Variants in ZNF142 observed in about 807,000 individuals in gnomAD.
ZNF142 encodes zinc finger protein 142, also known as zinc finger protein 142 (clone pHZ-49).
A neutral mutation model predicts 132.1 loss-of-function variants in ZNF142; 96 were observed. That is an observed-to-expected ratio of 0.73 (90% CI 0.62 to 0.86). ZNF142 has a LOEUF of 0.86. Among genes scored for constraint, ZNF142 ranks in the 40% least tolerant of loss-of-function variants. ZNF142 has a pLI of 0.00. For missense variants in ZNF142, 2,163 were observed against 2,336.2 expected, an observed-to-expected ratio of 0.93 and a Z score of 1.53; for synonymous variants, 842 against 890.1, an observed-to-expected ratio of 0.95 and a Z score of 0.96.
At chr2:218,657,694 T>C (rs1938641390) in intron 3 of ZNF142, among the ~76,000 whole-genome samples, 1 of 152,092 alleles carries the variant, frequency 6.6e-6, no homozygotes, top group South Asian at 2.1e-4. Context: ...CCTCCCAAAG[T>C]GCTGGGATTA....
chr2:218,635,851 T>C lies in ZNF142; in HGVS notation c.*2488A>G. On this transcript the variant is annotated 3_prime_UTR_variant, in exon 11 of 11. Coordinates refer to ENST00000411696, the MANE Select transcript of ZNF142 (RefSeq NM_001379659.1). Reference sequence around the variant, plus strand: ...GACAAGACCAAAGAGGGGTCCATTGTGGATCCACTGGTGAAAGTGCAGATC... The same window carrying C: ...GACAAGACCAAAGAGGGGTCCATTGCGGATCCACTGGTGAAAGTGCAGATC... The C allele has an allele frequency of 2.5e-6, 4 of 1,614,010 alleles. No homozygotes were observed. The highest frequency in any genetic ancestry group is 3.4e-6 in the Non-Finnish European group (4 of 1,179,884).
Position 218,636,570 on chromosome 2 carries a change from A to G in ZNF142, c.*1769T>C. On this transcript the variant is annotated 3_prime_UTR_variant, in exon 11 of 11. Coordinates refer to ENST00000411696, the MANE Select transcript of ZNF142 (RefSeq NM_001379659.1). ...ATCCAGGAAGGCCTGGAGGGGGATGAGTCCTGAGGTGGGCATTTCACGGGA... is the reference window on the plus strand; with the variant it reads ...ATCCAGGAAGGCCTGGAGGGGGATGGGTCCTGAGGTGGGCATTTCACGGGA... 1 of 1,613,888 alleles carries G rather than the reference A, an allele frequency of 6.2e-7. No individual in the cohort carries two copies. The highest frequency in any genetic ancestry group is 8.5e-7 in the Non-Finnish European group (1 of 1,179,794).
intron 7 of ZNF142, among the ~76,000 whole-genome samples, chr2:218,647,017 G>A (rs1697785821): frequency 6.6e-6 from 1 of 152,058 alleles, no homozygotes; most frequent in South Asian, 2.1e-4. Context: ...CAACAGAACA[G>A]AATGGTCAAG....
At chr2:218,653,054 G>A (rs1169439442) in intron 4 of ZNF142, among the ~76,000 whole-genome samples, 1 of 152,164 alleles carries the variant, frequency 6.6e-6, no homozygotes, top group Admixed American at 6.5e-5. Context: ...GCTGAGACAG[G>A]AGGATCATGA....
In ZNF142 at chr2:218,642,837, G is replaced by A. The variant is rs747623201; in HGVS notation, c.4279C>T (p.Arg1427Cys). The A allele has an allele frequency of 6.8e-6, 11 of 1,614,074 alleles. No homozygotes were observed. The highest frequency in any genetic ancestry group is 1.7e-5 in the Admixed American group (1 of 60,012). ...TGGGGGCAAGAGCTGCAGGGGATGC[G>A]GCCAATGCCTGTGTGTCGGGACTGG... ...AHQSRHTGIG[R>C]IPCSSCPQTF... The change falls in exon 9 of 11, where the codon CGC becomes TGC. Residue 1427 changes from arginine (R) to cysteine (C), a missense_variant. By Grantham distance (180) the Arg-to-Cys change is radical. Transcript: ENST00000411696. This position sits in a 1 kb window ranked among gnomAD's most constrained non-coding sequence, Gnocchi z 4.6.
chr2:218,654,207 A>G (rs1938270955), intron 4 of ZNF142, among the ~76,000 whole-genome samples: 1 of 152,132 alleles, frequency 6.6e-6, no homozygotes, highest in African/African-American at 2.4e-5. Context: ...CTACAGTGGA[A>G]TTAGTGGTCA....
chr2:218,650,229 A>T, intron 6 of ZNF142, 130 bp downstream of exon 6: 1 of 1,107,920 alleles, frequency 9.0e-7, no homozygotes, highest in Non-Finnish European at 1.3e-6. Flanking sequence ...TTGACTTTTG[A>T]GTCAAGGTAG....
rs1389192595 is a variant in ZNF142 at position 218,643,282 on chromosome 2, G to T, written c.3834C>A (p.Pro1278=). 6.2e-7 allele frequency: 1 copy of T among 1,614,098 alleles called. No homozygotes were observed. Among genetic ancestry groups the T allele is most frequent in the Non-Finnish European group, 8.5e-7 (1 of 1,180,044 alleles). The change falls in exon 9 of 11, where the codon CCC becomes CCA. Residue 1278 remains proline (P), a synonymous_variant. Coordinates refer to ENST00000411696, the MANE Select transcript of ZNF142 (RefSeq NM_001379659.1). ...TGGACTCTGTACTCCCATTCTTCGG[G>T]GGAGCAGAGTCCCCATTGCTCAACG... The part of the protein sequence containing the change: ...VSPLSNGDSA[P]PKNGSTESSS...
Position 218,634,694 on chromosome 2 carries a change from TG to T in ZNF142, c.*3644del. On this transcript the variant is annotated 3_prime_UTR_variant, in exon 11 of 11. Transcript: ENST00000411696. The surrounding 1 kb of genome is among the most constrained non-coding windows in gnomAD (Gnocchi z 4.0). The stretch of plus-strand genomic sequence containing the variant: ...ACTGGGATAGAAGTGAGGGAAGAGG[TG>T]GCTAGGCCTGACCGGAATGTAGAGG... 1.3e-6 allele frequency: 2 copies of T among 1,553,810 alleles called. No homozygotes were observed. The highest frequency in any genetic ancestry group is 1.8e-6 in the Non-Finnish European group (2 of 1,139,696).
chr2:218,636,893 T>C lies in ZNF142; in HGVS notation c.*1446A>G, dbSNP rs1696793637. ...CCATACCGACATCTACAACTAATCT[T>C]TCCCATCAACTCTGTGTGAAGGCAG... On this transcript the variant is annotated 3_prime_UTR_variant, in exon 11 of 11. Coordinates refer to ENST00000411696, the MANE Select transcript of ZNF142 (RefSeq NM_001379659.1). The C allele has an allele frequency of 2.1e-6, 1 of 476,468 alleles. No individual in the cohort carries two copies. The highest frequency in any genetic ancestry group is 4.2e-6 in the Non-Finnish European group (1 of 240,910). 29.5% of individuals were successfully genotyped at this position (476,468 alleles called of 1,614,324 possible).
At chr2:218,646,661 G>C (rs1330754523) in intron 7 of ZNF142, among the ~76,000 whole-genome samples, 1 of 152,028 alleles carries the variant, frequency 6.6e-6, no homozygotes, top group Non-Finnish European at 1.5e-5. Flanking sequence ...TCAGCTCACT[G>C]CCAAGCTCGG....
chr2:218,642,493 G>C lies in ZNF142; in HGVS notation c.4623C>G (p.Ala1541=). 2 of 1,607,690 alleles carry C rather than the reference G, an allele frequency of 1.2e-6. No homozygotes were observed. The highest frequency in any genetic ancestry group is 1.7e-6 in the Non-Finnish European group (2 of 1,176,190). ...SRCGLLCPSP[A]SLRGHTRKQH... ...GTTTACGGGTGTGTCCTCGTAAGCT[G>C]GCAGGGCTGGGGCACAGCAACCCAC... Residue 1541 remains alanine, a synonymous_variant, in exon 9 of 11, where the codon GCC becomes GCG. Transcript: ENST00000411696. This position sits in a 1 kb window ranked among gnomAD's most constrained non-coding sequence, Gnocchi z 4.6.
chr2:218,634,220 G>A lies in ZNF142; in HGVS notation c.*4119C>T, dbSNP rs200688997. On this transcript the variant is annotated 3_prime_UTR_variant, in exon 11 of 11. Coordinates refer to ENST00000411696, the MANE Select transcript of ZNF142 (RefSeq NM_001379659.1). This position sits in a 1 kb window ranked among gnomAD's most constrained non-coding sequence, Gnocchi z 4.0. ...AACTCTGGAATGCAGGCTGCCAGAT[G>A]GGTGAGGAGGCAGCAGGGACTGGGA... 232 of 1,607,942 alleles carry A rather than the reference G, an allele frequency of 1.4e-4. No individual in the cohort carries two copies. The highest frequency in any genetic ancestry group is 3.6e-4 in the Admixed American group (21 of 58,758).
rs964134290 is a variant in ZNF142, at chr2:218,642,996, C to T, written c.4120G>A (p.Gly1374Arg). ...TGTTTACAGGTGAAGCCACAGTCCCCACACTGTAGATGGGGCCGGGGCCCA... is the reference window on the plus strand; with the variant it reads ...TGTTTACAGGTGAAGCCACAGTCCCTACACTGTAGATGGGGCCGGGGCCCA... ...ARGPRPHLQC[G>R]DCGFTCKQSR... Residue 1374 changes from glycine to arginine, a missense_variant, in exon 9 of 11, where the codon GGG becomes AGG. By Grantham distance (125) the Gly-to-Arg change is moderately radical. Around this residue, in one of 7 missense-constraint regions of ZNF142, gnomAD observed 809 missense variants for 801.7 expected, o/e 1.01. Coordinates refer to ENST00000411696, the MANE Select transcript of ZNF142 (RefSeq NM_001379659.1). This position sits in a 1 kb window ranked among gnomAD's most constrained non-coding sequence, Gnocchi z 4.6. 10 of 1,611,768 alleles carry T rather than the reference C, an allele frequency of 6.2e-6. No homozygotes were observed. In the Admixed American group the frequency reaches 1.5e-4, roughly 24 times the overall value.
intron 3 of ZNF142, among the ~76,000 whole-genome samples, chr2:218,657,388 C>G (rs568707790): frequency 1.2e-4 from 18 of 152,144 alleles, no homozygotes; most frequent in Admixed American, 1.3e-4. Context: ...AATTAACTAT[C>G]CTTGAAGAAG....
Position 218,640,712 on chromosome 2 carries a change from T to C in ZNF142, c.5146A>G (p.Lys1716Glu). 1 of 1,614,200 alleles carries C rather than the reference T, an allele frequency of 6.2e-7. No individual in the cohort carries two copies. Among genetic ancestry groups the C allele is most frequent in the Non-Finnish European group, 8.5e-7 (1 of 1,180,038 alleles). The change falls in exon 10 of 11, where the codon AAG becomes GAG. Residue 1716 changes from lysine (K) to glutamate (E), a missense_variant. Lys to Glu is a moderately conservative substitution (Grantham distance 56). This residue lies in a region of ZNF142 where 325 missense variants were observed against 367.8 expected (regional missense o/e 0.88). Transcript: ENST00000411696. ...RKYLCPECGYKCKWVNQLKYH... is the reference protein window; with the variant it reads ...RKYLCPECGYECKWVNQLKYH... ...TTCAGCTGGTTGACCCACTTGCACT[T>C]GTAGCCACACTCAGGGCACAGGTAC...
chr2:218,657,641 G>A (rs912323043), intron 3 of ZNF142, among the ~76,000 whole-genome samples: 1 of 152,038 alleles, frequency 6.6e-6, no homozygotes, highest in Admixed American at 6.5e-5. Context: ...TGTTGGTTGG[G>A]CTGGTCTTGA....
At chr2:218,646,035 G>T in intron 8 of ZNF142, 136 bp downstream of exon 8, 1 of 1,207,566 alleles carries the variant, frequency 8.3e-7, no homozygotes, top group Non-Finnish European at 1.2e-6. Context: ...TTACAGGTGT[G>T]AGCCATTGCA....
Position 218,648,833 on chromosome 2 carries a change from G to A in ZNF142, c.1675C>T (p.Arg559Cys), listed in dbSNP as rs771528587. ...GGGTGGCCCTGCTTCTTGTGTTTACGGAATAGGTGCTTATTGGAACAAGCA... is the reference window on the plus strand; with the variant it reads ...GGGTGGCCCTGCTTCTTGTGTTTACAGAATAGGTGCTTATTGGAACAAGCA... ...DFACSNKHLFRKHKKQGHPGS... is the reference protein window; with the variant it reads ...DFACSNKHLFCKHKKQGHPGS... Residue 559 changes from arginine to cysteine, a missense_variant, in exon 7 of 11, where the codon CGT (arginine) becomes TGT (cysteine). By Grantham distance (180) the Arg-to-Cys change is radical. Coordinates refer to ENST00000411696, the MANE Select transcript of ZNF142 (RefSeq NM_001379659.1). 1.2e-5 allele frequency: 20 copies of A among 1,614,204 alleles called. No individual in the cohort carries two copies. The East Asian group carries it at 1.3e-4, about 11-fold the overall frequency.
Sources: gnomAD v4.1 joint callset for allele counts (sites outside exome capture counted in the v4.1 genomes callset) on GRCh38, gnomAD v4.1.1 for gene constraint, gnomAD v4.1.1 regional missense constraint, Gnocchi (gnomAD v3.1) non-coding constraint, MANE v1.5 for transcripts, NCBI Gene and HGNC (gene_info 2026-07-23, HGNC 2026-07-21) for gene names.